DYM: variants seen among roughly 807,000 people sequenced by gnomAD.
DYM encodes the protein dymeclin.
Under a neutral mutation model 93.1 loss-of-function variants are expected in DYM, and 78 were observed. The ratio of observed to expected loss-of-function variants is 0.84; its 90% CI spans 0.70 to 1.01. The LOEUF is 1.01. Ranked by LOEUF, DYM falls within the 50% of genes least tolerant of loss-of-function variation. The pLI is 0.00. For missense variants in DYM, 789 were observed against 845.0 expected (o/e 0.93, Z 0.82); for synonymous variants, 321 against 319.7 (o/e 1.00, Z -0.04).
At position 49,440,093 on chromosome 18, in the gene DYM, T is replaced by C. The variant is rs534456496; in HGVS notation, c.-53-9646A>G. 1.5e-5 allele frequency among the ~76,000 whole-genome samples: 2 copies of C among 132,524 alleles called. 1 individual carries two copies. Among genetic ancestry groups the C allele is most frequent in the African/African-American group, 5.2e-5 (2 of 38,630 alleles). 86.9% of individuals were successfully genotyped at this position (132,524 alleles called of 152,430 possible). On this transcript the variant is annotated intron_variant, in intron 1 of 17. Transcript: ENST00000675505. ...TCAATATTTTATATTTGTGAAATAT[T>C]TGATAAATACATAAAGTCAATCTCC...
intron 17 of DYM, among the ~76,000 whole-genome samples, chr18:49,055,442 C>G (rs769901171): frequency 6.6e-6 from 1 of 152,190 alleles, no homozygotes; most frequent in Non-Finnish European, 1.5e-5. Context: ...GTCAAACTGC[C>G]TGATGCAAAT....
At chr18:49,175,345 T>C (rs2089264021) in intron 14 of DYM, among the ~76,000 whole-genome samples, 1 of 152,186 alleles carries the variant, frequency 6.6e-6, no homozygotes. Context: ...ACAAGCAGTC[T>C]TAGTTGATTT....
At chr18:49,320,436 A>C (rs1198034062) in intron 8 of DYM, among the ~76,000 whole-genome samples, 2 of 152,272 alleles carry the variant, frequency 1.3e-5, no homozygotes, top group Non-Finnish European at 2.9e-5. Context: ...ATGTATGTCA[A>C]AGTTAAGTTG....
chr18:49,164,898 G>A (rs771884176), intron 14 of DYM, among the ~76,000 whole-genome samples: 27 of 152,240 alleles, frequency 1.8e-4, no homozygotes, highest in African/African-American at 3.9e-4. Flanking sequence ...CCCTAATAGA[G>A]CAAAACAAAC....
chr18:49,292,349 CAG>C (rs557063030), intron 8 of DYM, among the ~76,000 whole-genome samples: 1,610 of 75,550 alleles, frequency 0.021, 21 homozygotes, highest in East Asian at 0.049. Context: ...GACAGACAGA[CAG>C]ACAGACACAC....
chr18:49,165,084 C>T (rs1232785883), intron 14 of DYM, among the ~76,000 whole-genome samples: 2 of 152,026 alleles, frequency 1.3e-5, no homozygotes, highest in East Asian at 1.9e-4. Context: ...ACAAAAAAGA[C>T]ATACTATAAA....
At chr18:49,085,696 T>C (rs991671334) in intron 17 of DYM, among the ~76,000 whole-genome samples, 1 of 144,404 alleles carries the variant, frequency 6.9e-6, no homozygotes, top group African/African-American at 2.5e-5. Context: ...CAACCTCTGC[T>C]GCCCGGGTTC....
At position 49,224,314 on chromosome 18, in the gene DYM, T is replaced by G. The variant is rs940675535; in HGVS notation, c.1461-14599A>C. On this transcript the variant is annotated intron_variant, in intron 13 of 17. Transcript: ENST00000675505. ...CTCTGATAAACCCAAAAGATGACAT[T>G]AGTCATCTGATTGGACATGCAGGTC... Among the ~76,000 whole-genome samples, 11 of 152,044 alleles carry G rather than the reference T, an allele frequency of 7.2e-5. 1 individual carries two copies.
chr18:49,365,396 G>T (rs544732547), intron 5 of DYM, among the ~76,000 whole-genome samples: 25 of 152,024 alleles, frequency 1.6e-4, no homozygotes, highest in African/African-American at 6.0e-4. Flanking sequence ...AGAAACATCG[G>T]GCTTGGCTCT....
chr18:49,305,794 TAC>T (rs973173214), intron 8 of DYM, among the ~76,000 whole-genome samples: 1 of 138,444 alleles, frequency 7.2e-6, no homozygotes, highest in African/African-American at 2.8e-5. Context: ...TTTCTGCCTA[TAC>T]TCTGACTTCC....
At chr18:49,077,435 T>C (rs564878200) in intron 17 of DYM, among the ~76,000 whole-genome samples, 1 of 152,372 alleles carries the variant, frequency 6.6e-6, no homozygotes, top group African/African-American at 2.4e-5. Context: ...AAGGGTGTTA[T>C]ATACATTCGA....
intron 8 of DYM, among the ~76,000 whole-genome samples, chr18:49,304,402 C>A (rs2061147368): frequency 6.6e-6 from 1 of 152,168 alleles, no homozygotes; most frequent in Non-Finnish European, 1.5e-5. Flanking sequence ...TGCTTTATAT[C>A]CCTGTTCATT....
At chr18:49,436,125 G>A (rs901145298) in intron 1 of DYM, among the ~76,000 whole-genome samples, 6 of 151,984 alleles carry the variant, frequency 3.9e-5, no homozygotes, top group Admixed American at 6.6e-5. Flanking sequence ...CAATCCTTCC[G>A]CCTTAGCCTT....
At chr18:49,226,954 T>C (rs2093554847) in intron 13 of DYM, among the ~76,000 whole-genome samples, 2 of 152,138 alleles carry the variant, frequency 1.3e-5, no homozygotes, top group African/African-American at 4.8e-5. Flanking sequence ...GAAATTAAGA[T>C]ACTTGTTTTA....
chr18:49,220,475 G>A (rs1345030450), intron 13 of DYM, among the ~76,000 whole-genome samples: 1 of 150,828 alleles, frequency 6.6e-6, no homozygotes, highest in East Asian at 1.9e-4. Flanking sequence ...GAACAAAGCT[G>A]GAGGCATCAC....
intron 5 of DYM, among the ~76,000 whole-genome samples, chr18:49,375,444 C>T (rs2067418295): frequency 6.6e-6 from 1 of 151,894 alleles, no homozygotes; most frequent in Non-Finnish European, 1.5e-5. Flanking sequence ...ATCCCCTTCC[C>T]CCTATCCCCC....
At chr18:49,306,032 A>C (rs1458249928) in intron 8 of DYM, among the ~76,000 whole-genome samples, 1 of 152,230 alleles carries the variant, frequency 6.6e-6, no homozygotes, top group Admixed American at 6.5e-5. Context: ...AGAAAATGTC[A>C]CTGAAAGTAT....
At chr18:49,124,505 T>C (rs2082645053) in intron 15 of DYM, among the ~76,000 whole-genome samples, 1 of 43,360 alleles carries the variant, frequency 2.3e-5, no homozygotes, top group Non-Finnish European at 4.6e-5. Context: ...TGAGACCCTG[T>C]CTCAAAAAAA....
At chr18:49,167,344 C>T (rs1262613680) in intron 14 of DYM, among the ~76,000 whole-genome samples, 2 of 151,990 alleles carry the variant, frequency 1.3e-5, no homozygotes, top group African/African-American at 4.8e-5. Flanking sequence ...AAATGGTATA[C>T]CCCAAGAAGC....
Sources: gnomAD v4.1 joint callset for allele counts (sites outside exome capture counted in the v4.1 genomes callset) on GRCh38, gnomAD v4.1.1 for gene constraint, MANE v1.5 for transcripts, NCBI Gene and HGNC (gene_info 2026-07-23, HGNC 2026-07-21) for gene names.